PAQR5: variants seen among roughly 807,000 people sequenced by gnomAD.
PAQR5 encodes membrane progestin receptor gamma.
In PAQR5, 20 loss-of-function variants were observed where a neutral mutation model predicts 34.5. That is an observed-to-expected ratio of 0.58 (90% CI 0.41 to 0.84). The LOEUF is 0.84. Among genes scored for constraint, PAQR5 ranks in the 40% least tolerant of loss-of-function variants. The probability of loss-of-function intolerance (pLI) is 0.00; values close to 1 mark genes in which losing one functional copy is unlikely to be tolerated. For missense variants in PAQR5, 378 were observed against 412.7 expected, an observed-to-expected ratio of 0.92 and a Z score of 0.73; for synonymous variants, 131 against 155.6, an observed-to-expected ratio of 0.84 and a Z score of 1.18.
At chr15:69,397,112 A>G in intron 6 of PAQR5, 1 of 429,116 alleles carries the variant, frequency 2.3e-6, no homozygotes, top group South Asian at 1.6e-5. Context: ...GATTCCCCCT[A>G]CCCGTTCCCT....
intron 8 of PAQR5, among the ~76,000 whole-genome samples, chr15:69,402,298 T>C (rs143616432): frequency 3.2e-4 from 48 of 152,180 alleles, no homozygotes; most frequent in African/African-American, 1.1e-3. Context: ...CGTGCATGTC[T>C]GTGTCCTAAT....
At chr15:69,302,061 G>A (rs1291773528) in intron 1 of PAQR5, among the ~76,000 whole-genome samples, 9 of 151,314 alleles carry the variant, frequency 5.9e-5, no homozygotes, top group Non-Finnish European at 1.3e-4. Flanking sequence ...GACCAACTCC[G>A]GGTTGGTCAG....
intron 8 of PAQR5, among the ~76,000 whole-genome samples, chr15:69,401,309 T>A (rs1430132311): frequency 6.6e-6 from 1 of 152,214 alleles, no homozygotes; most frequent in African/African-American, 2.4e-5. Context: ...TGTTCCTGAT[T>A]TTCCATCTCC....
At chr15:69,330,183 C>T (rs2054347647) in intron 1 of PAQR5, among the ~76,000 whole-genome samples, 1 of 152,134 alleles carries the variant, frequency 6.6e-6, no homozygotes, top group Admixed American at 6.5e-5. Flanking sequence ...TACAATACAC[C>T]AGGGAATGTT....
intron 4 of PAQR5, among the ~76,000 whole-genome samples, chr15:69,382,261 A>G (rs2055904080): frequency 6.6e-6 from 1 of 152,184 alleles, no homozygotes; most frequent in South Asian, 2.1e-4. Flanking sequence ...GTAACGCCAC[A>G]TTTAGATCCT....
intron 3 of PAQR5, among the ~76,000 whole-genome samples, chr15:69,369,553 AAGT>A (rs2055497602): frequency 1.3e-5 from 2 of 152,070 alleles, no homozygotes; most frequent in Non-Finnish European, 2.9e-5. Flanking sequence ...AAAAAAAAAA[AAGT>A]AGAAATCCTT....
At chr15:69,347,817 T>C (rs1294018966) in intron 2 of PAQR5, among the ~76,000 whole-genome samples, 2 of 152,126 alleles carry the variant, frequency 1.3e-5, no homozygotes, top group Non-Finnish European at 2.9e-5. Flanking sequence ...TATCAGGGCG[T>C]TAAGTCCCTT....
chr15:69,389,516 G>A lies in PAQR5; in HGVS notation c.386-138G>A, dbSNP rs151019206. Reference sequence around the variant, plus strand: ...AGAAAGCAGGACATCCTAGAAGGGGGAATGGCACCAGCGAGGGCGCAGAGC... The same window carrying A: ...AGAAAGCAGGACATCCTAGAAGGGGAAATGGCACCAGCGAGGGCGCAGAGC... On this transcript the variant is annotated intron_variant, in intron 5 of 8. Coordinates refer to ENST00000395407, the MANE Select transcript of PAQR5 (RefSeq NM_017705.4). 3,764 of 1,049,234 alleles carry A rather than the reference G, an allele frequency of 3.6e-3. 15 individuals are homozygous for A. The highest frequency in any genetic ancestry group is 8.7e-3 in the Middle Eastern group (38 of 4,376). The allele number at this position is 1,049,234 out of a possible 1,614,324, so 65.0% of individuals were successfully genotyped here.
At chr15:69,301,744 C>T (rs1336799291) in intron 1 of PAQR5, among the ~76,000 whole-genome samples, 1 of 151,964 alleles carries the variant, frequency 6.6e-6, no homozygotes. Flanking sequence ...AGTCCTTTCT[C>T]AGCATCTTGG....
At position 69,406,562 on chromosome 15, in the gene PAQR5, A is replaced by C. The variant is rs1285132130; in HGVS notation, c.*2740A>C. 1.3e-5 allele frequency: 2 copies of C among 152,406 alleles called. No individual in the cohort carries two copies. Among genetic ancestry groups the C allele is most frequent in the Non-Finnish European group, 2.9e-5 (2 of 68,082 alleles). The allele number at this position is 152,406 out of a possible 1,614,324, so 9.4% of individuals were successfully genotyped here. ...ACTTGACTAGTCTTAAAACAAAGAA[A>C]GAACGAATGAATGAATGAATCTGTG... On this transcript the variant is annotated 3_prime_UTR_variant, in exon 9 of 9. Coordinates refer to ENST00000395407, the MANE Select transcript of PAQR5 (RefSeq NM_017705.4).
At chr15:69,384,020 G>T (rs1179111097) in intron 4 of PAQR5, among the ~76,000 whole-genome samples, 8 of 109,564 alleles carry the variant, frequency 7.3e-5, no homozygotes, top group East Asian at 3.3e-4. Context: ...GGTGGAGGGT[G>T]AGTGGGCCTC....
intron 4 of PAQR5, among the ~76,000 whole-genome samples, chr15:69,382,447 C>A (rs1210235313): frequency 6.6e-6 from 1 of 151,760 alleles, no homozygotes; most frequent in East Asian, 1.9e-4. Context: ...GAGATCGAGA[C>A]CATCCTGGCC....
chr15:69,403,597 G>A lies in PAQR5; in HGVS notation c.768G>A (p.Leu256=). The A allele has an allele frequency of 6.2e-7, 1 of 1,614,156 alleles. No individual in the cohort carries two copies. The highest frequency in any genetic ancestry group is 1.1e-5 in the South Asian group (1 of 91,082). Residue 256 remains leucine, a synonymous_variant, in exon 9 of 9, where the codon CTG becomes CTA. Transcript: ENST00000395407. ...TTGCCATAGGTCACAGTCACCAGCT[G>A]TTTCACGTGTGTGTGATCCTGGCCA... The part of the protein sequence containing the change: ...RFDYIGHSHQ[L]FHVCVILATH...
intron 6 of PAQR5, among the ~76,000 whole-genome samples, chr15:69,394,203 T>A (rs2056349322): frequency 1.7e-5 from 1 of 59,192 alleles, no homozygotes. Flanking sequence ...ACCCATGAGC[T>A]CTGCTCTAAG....
At chr15:69,302,726 T>C (rs12442890) in intron 1 of PAQR5, among the ~76,000 whole-genome samples, 9,188 of 152,164 alleles carry the variant, frequency 0.06, 438 homozygotes, top group East Asian at 0.14. Context: ...TTCTGTTTCC[T>C]GGAGGAAGCC....
At chr15:69,382,928 G>A (rs547995248) in intron 4 of PAQR5, 1 of 150,970 alleles carries the variant, frequency 6.6e-6, no homozygotes, top group African/African-American at 2.4e-5. Context: ...GGACAGATTT[G>A]AGCCAATGAA....
chr15:69,317,456 C>T (rs991210104), intron 1 of PAQR5, among the ~76,000 whole-genome samples: 10 of 152,198 alleles, frequency 6.6e-5, no homozygotes, highest in Admixed American at 1.3e-4. Flanking sequence ...GCCGGTCCAC[C>T]CCCCTACCCA....
At chr15:69,306,682 T>C (rs553614239) in intron 1 of PAQR5, among the ~76,000 whole-genome samples, 1 of 152,172 alleles carries the variant, frequency 6.6e-6, no homozygotes, top group African/African-American at 2.4e-5. Context: ...GGATTACAGG[T>C]GTGAGCCACC....
rs1436795277 is a variant in PAQR5 at position 69,385,425 on chromosome 15, G to A, written c.385+543G>A. ...TGCCAGGCAAGAAGAGGAGGGTGAG[G>A]TCATGAGCCTCGTATATCCAGAGGC... On this transcript the variant is annotated intron_variant, in intron 5 of 8. Coordinates refer to ENST00000395407, the MANE Select transcript of PAQR5 (RefSeq NM_017705.4). This position sits in a 1 kb window ranked among gnomAD's most constrained non-coding sequence, Gnocchi z 4.7. 6.6e-6 allele frequency among the ~76,000 whole-genome samples: 1 copy of A among 152,190 alleles called. No individual in the cohort carries two copies. Among genetic ancestry groups the A allele is most frequent in the Non-Finnish European group, 1.5e-5 (1 of 68,032 alleles).
Sources: allele counts gnomAD v4.1 joint callset (sites outside exome capture counted in the v4.1 genomes callset), GRCh38; gene constraint gnomAD v4.1.1; non-coding constraint Gnocchi (gnomAD v3.1); transcripts MANE v1.5; gene names NCBI Gene and HGNC (gene_info 2026-07-23, HGNC 2026-07-21).